GRID2: variants seen among roughly 807,000 people sequenced by gnomAD.
GRID2 encodes the protein glutamate ionotropic receptor delta type subunit 2, also known as glutamate receptor ionotropic, delta-2.
GRID2 carries 33 observed loss-of-function variants against 114.8 expected under a neutral mutation model. That is an observed-to-expected ratio of 0.29 (90% CI 0.22 to 0.38). The LOEUF is 0.38. Ranked by LOEUF, GRID2 falls within the 10% of genes least tolerant of loss-of-function variation. GRID2 has a pLI of 1.00. For synonymous variants in GRID2, 505 were observed against 449.9 expected, an observed-to-expected ratio of 1.12 and a Z score of -1.55; for missense variants, 1,184 against 1,257.7, an observed-to-expected ratio of 0.94 and a Z score of 0.89.
chr4:92,344,577 C>A (rs1324750499), intron 1 of GRID2, among the ~76,000 whole-genome samples: 1 of 152,216 alleles, frequency 6.6e-6, no homozygotes, highest in Non-Finnish European at 1.5e-5. Context: ...CTATTCCTTT[C>A]TTCACTCGGA....
At chr4:92,477,158 T>G (rs1722361489) in intron 1 of GRID2, among the ~76,000 whole-genome samples, 1 of 151,720 alleles carries the variant, frequency 6.6e-6, no homozygotes. Flanking sequence ...GGAAGAATAT[T>G]TTTGTCATAA....
chr4:93,187,036 T>C (rs569938982), intron 4 of GRID2, among the ~76,000 whole-genome samples: 1 of 152,300 alleles, frequency 6.6e-6, no homozygotes, highest in Admixed American at 6.5e-5. Flanking sequence ...AAGGTGATAA[T>C]CAGCTTCCTC....
intron 2 of GRID2, among the ~76,000 whole-genome samples, chr4:92,649,446 A>G (rs1369755303): frequency 6.6e-6 from 1 of 151,462 alleles, no homozygotes; most frequent in East Asian, 2.0e-4. Context: ...CAGACCCTCA[A>G]CTGATTGGAT....
rs116573755 is a variant in GRID2 at position 92,319,042 on chromosome 4, C to T, written c.88+14298C>T. Among the ~76,000 whole-genome samples the T allele has an allele frequency of 4.8e-3, 732 of 152,068 alleles. 7 individuals are homozygous for T. Among genetic ancestry groups the T allele is most frequent in the African/African-American group, 0.017 (688 of 41,464 alleles). ...TTCGTGTTTTGAATATTTCATAATG[C>T]GTATTTTAAATGAGAATGTATAATA... is the stretch of plus-strand genomic sequence containing the variant. On this transcript the variant is annotated intron_variant, in intron 1 of 15. Coordinates refer to ENST00000282020, the MANE Select transcript of GRID2 (RefSeq NM_001510.4).
chr4:93,472,758 A>T (rs1724965289), intron 11 of GRID2, among the ~76,000 whole-genome samples: 1 of 152,164 alleles, frequency 6.6e-6, no homozygotes, highest in African/African-American at 2.4e-5. Flanking sequence ...TTCATTAAAG[A>T]TGTTTCATCA....
At chr4:92,492,208 CTA>C (rs1171663170) in intron 1 of GRID2, among the ~76,000 whole-genome samples, 1 of 152,092 alleles carries the variant, frequency 6.6e-6, no homozygotes, top group African/African-American at 2.4e-5. Context: ...TGTTGTTTTC[CTA>C]TGAGTATATT....
chr4:92,803,572 G>T lies in GRID2; in HGVS notation c.244+213286G>T, dbSNP rs565755733. ...TCAGGTACCCCATCAACCAATCTTT[G>T]TATCTCCTCATATAATAACTTTTTC... On this transcript the variant is annotated intron_variant, in intron 2 of 15. Coordinates refer to ENST00000282020, the MANE Select transcript of GRID2 (RefSeq NM_001510.4). 2.3e-4 allele frequency among the ~76,000 whole-genome samples: 35 copies of T among 151,860 alleles called. 2 individuals carry two copies. In the South Asian group the frequency reaches 7.1e-3, roughly 31 times the overall value.
chr4:92,495,561 A>T (rs1437189209), intron 1 of GRID2, among the ~76,000 whole-genome samples: 1 of 151,922 alleles, frequency 6.6e-6, no homozygotes, highest in Non-Finnish European at 1.5e-5. Context: ...TACAGAAATT[A>T]AGGGAACTAA....
intron 2 of GRID2, among the ~76,000 whole-genome samples, chr4:92,958,222 G>A (rs1752557876): frequency 6.6e-6 from 1 of 152,022 alleles, no homozygotes; most frequent in African/African-American, 2.4e-5. Context: ...CCTACTTCCT[G>A]ATCTTAGTTA....
intron 9 of GRID2, among the ~76,000 whole-genome samples, chr4:93,413,671 C>A (rs777294425): frequency 6.6e-6 from 1 of 152,082 alleles, no homozygotes; most frequent in Non-Finnish European, 1.5e-5. Flanking sequence ...AAATAATTCA[C>A]CCTCAATGGT....
At chr4:92,987,543 T>C (rs976438606) in intron 2 of GRID2, among the ~76,000 whole-genome samples, 3 of 151,728 alleles carry the variant, frequency 2.0e-5, no homozygotes, top group East Asian at 3.9e-4. Flanking sequence ...TGTATATATA[T>C]GTAACAAACC....
At chr4:92,448,131 T>TTATG (rs10551052) in intron 1 of GRID2, among the ~76,000 whole-genome samples, 17,993 of 145,376 alleles carry the variant, frequency 0.12, 1,115 homozygotes, top group Non-Finnish European at 0.14. Context: ...GATTTTTATT[T>TTATG]TATGTATGTA....
At chr4:92,997,767 T>G (rs1009003314) in intron 2 of GRID2, among the ~76,000 whole-genome samples, 12 of 152,172 alleles carry the variant, frequency 7.9e-5, no homozygotes, top group African/African-American at 2.7e-4. Context: ...AAGTCCTGCA[T>G]TGAAATTTTA....
intron 2 of GRID2, among the ~76,000 whole-genome samples, chr4:92,984,158 TA>T (rs1303053934): frequency 2.6e-5 from 4 of 152,214 alleles, no homozygotes; most frequent in African/African-American, 9.6e-5. Context: ...ACATGATATA[TA>T]AAAACATTGT....
In GRID2 at chr4:93,007,245, G is replaced by T. The variant is rs575430583; in HGVS notation, c.245-77750G>T. ...ATTATAAAGGTTATAACTGAAGAAA[G>T]TTTTTTAGAAATAAGGATCTTCAGC... On this transcript the variant is annotated intron_variant, in intron 2 of 15. Coordinates refer to ENST00000282020, the MANE Select transcript of GRID2 (RefSeq NM_001510.4). Among the ~76,000 whole-genome samples the T allele has an allele frequency of 8.6e-5, 13 of 151,978 alleles. No individual in the cohort carries two copies. The South Asian group carries it at 2.3e-3, about 27-fold the overall frequency.
At chr4:92,562,548 A>G (rs1347635131) in intron 1 of GRID2, among the ~76,000 whole-genome samples, 1 of 152,170 alleles carries the variant, frequency 6.6e-6, no homozygotes, top group East Asian at 1.9e-4. Flanking sequence ...CTAACAGTCA[A>G]TTCTCATTTT....
chr4:93,113,908 G>A (rs773401467), intron 4 of GRID2, among the ~76,000 whole-genome samples: 89 of 152,134 alleles, frequency 5.9e-4, no homozygotes, highest in Non-Finnish European at 1.2e-3. Flanking sequence ...GGGGCATGCA[G>A]CAAGAAGGCA....
intron 12 of GRID2, among the ~76,000 whole-genome samples, chr4:93,505,449 G>C (rs181410555): frequency 7.8e-4 from 118 of 151,674 alleles, no homozygotes; most frequent in African/African-American, 2.8e-3. Flanking sequence ...CTAGTGTCTT[G>C]AGATAAATAA....
rs567324647 is a variant in GRID2 at position 92,762,769 on chromosome 4, G to T, written c.244+172483G>T. On this transcript the variant is annotated intron_variant, in intron 2 of 15. Transcript: ENST00000282020. ...ACAGGAAGAGGATATTTAAATTGTG[G>T]TGCATTTAGATCTGCATTACTTTTT... Among the ~76,000 whole-genome samples, 173 of 152,266 alleles carry T rather than the reference G, an allele frequency of 1.1e-3. 2 individuals are homozygous for T. Among genetic ancestry groups the T allele is most frequent in the African/African-American group, 4.0e-3 (167 of 41,566 alleles).
Sources: allele counts gnomAD v4.1 joint callset (sites outside exome capture counted in the v4.1 genomes callset), GRCh38; gene constraint gnomAD v4.1.1; transcripts MANE v1.5; gene names NCBI Gene and HGNC (gene_info 2026-07-23, HGNC 2026-07-21).